The following MTUS2 variants were observed in gnomAD, a reference collection of about 807,000 sequenced individuals.
The protein encoded by MTUS2 is microtubule associated scaffold protein 2, also known as microtubule-associated tumor suppressor candidate 2.
MTUS2 carries 40 observed loss-of-function variants against 114.1 expected under a neutral mutation model. That is an observed-to-expected ratio of 0.35 (90% CI 0.27 to 0.46). The LOEUF is 0.46. Ranked by LOEUF, MTUS2 falls within the 20% of genes least tolerant of loss-of-function variation. MTUS2 has a pLI of 1.00. For synonymous variants in MTUS2, 688 were observed against 672.0 expected (o/e 1.02, Z -0.37); for missense variants, 1,679 against 1,705.4 (o/e 0.98, Z 0.27).
intron 5 of MTUS2, among the ~76,000 whole-genome samples, chr13:29,184,474 C>T (rs191358178): frequency 1.0e-3 from 155 of 152,190 alleles, no homozygotes; most frequent in African/African-American, 2.8e-3. Flanking sequence ...TGAAAAAGCC[C>T]CAAGCTCTCA....
chr13:28,978,696 G>A (rs1241338634), intron 2 of MTUS2, among the ~76,000 whole-genome samples: 1 of 152,226 alleles, frequency 6.6e-6, no homozygotes, highest in Admixed American at 6.5e-5. Context: ...GTCCTGTAGA[G>A]TGTAATTCCT....
chr13:28,965,114 C>T (rs78894115), intron 2 of MTUS2, among the ~76,000 whole-genome samples: 169 of 152,256 alleles, frequency 1.1e-3, no homozygotes, highest in African/African-American at 3.9e-3. Context: ...GAAGTTCACA[C>T]GGATGGTTGT....
chr13:29,280,498 A>G lies in MTUS2; in HGVS notation c.2645-1206A>G, dbSNP rs532582992. Among the ~76,000 whole-genome samples, 4 of 152,352 alleles carry G rather than the reference A, an allele frequency of 2.6e-5. No homozygotes were observed. The East Asian group carries it at 7.7e-4, about 29-fold the overall frequency. ...GGTGTTAAGAGAAAGAAAAAGAATA[A>G]TCTCTTACTCTAAATGGTTGAATAA... On this transcript the variant is annotated intron_variant, in intron 5 of 15. Coordinates refer to ENST00000612955, the MANE Select transcript of MTUS2 (RefSeq NM_001033602.4).
At chr13:29,459,621 G>T (rs1021050073) in intron 9 of MTUS2, among the ~76,000 whole-genome samples, 5 of 152,264 alleles carry the variant, frequency 3.3e-5, no homozygotes, top group South Asian at 2.1e-4. Flanking sequence ...AACACCAGTT[G>T]TCTAGCTGGA....
chr13:29,358,912 GATTA>G (rs1869984899), intron 7 of MTUS2, among the ~76,000 whole-genome samples: 1 of 137,834 alleles, frequency 7.3e-6, no homozygotes, highest in African/African-American at 2.6e-5. Context: ...TGGATTGATT[GATTA>G]ATTTCCCATT....
intron 5 of MTUS2, among the ~76,000 whole-genome samples, chr13:29,143,282 A>G (rs1014003451): frequency 5.3e-5 from 8 of 152,218 alleles, no homozygotes; most frequent in African/African-American, 1.9e-4. Context: ...AATGGAAAAA[A>G]CACAGATAAA....
intron 2 of MTUS2, among the ~76,000 whole-genome samples, chr13:28,859,618 T>C (rs902367291): frequency 5.1e-4 from 78 of 152,124 alleles, no homozygotes; most frequent in Admixed American, 5.1e-3. Flanking sequence ...GTATCCATTA[T>C]TAGACTTAAG....
At chr13:28,938,624 G>GT (rs1441145311) in intron 2 of MTUS2, among the ~76,000 whole-genome samples, 4 of 152,070 alleles carry the variant, frequency 2.6e-5, no homozygotes, top group Admixed American at 1.3e-4. Flanking sequence ...TGGTACCCAA[G>GT]TATGAGATGC....
chr13:29,033,805 A>G (rs1029808761), intron 3 of MTUS2, 80 bp from the exon 4 acceptor site: 1 of 1,549,924 alleles, frequency 6.5e-7, no homozygotes, highest in African/African-American at 1.4e-5. Flanking sequence ...TCATTGGTTC[A>G]GCCTCGGTCT....
intron 2 of MTUS2, among the ~76,000 whole-genome samples, chr13:29,010,253 A>T (rs1413060976): frequency 6.6e-6 from 1 of 151,630 alleles, no homozygotes; most frequent in Non-Finnish European, 1.5e-5. Flanking sequence ...TGACACACAC[A>T]TGCACACTTA....
chr13:29,389,308 T>C (rs1417004377), intron 8 of MTUS2, among the ~76,000 whole-genome samples: 1 of 147,480 alleles, frequency 6.8e-6, no homozygotes, highest in East Asian at 2.0e-4. Flanking sequence ...TATATGTGTA[T>C]ATATGTATAC....
intron 2 of MTUS2, among the ~76,000 whole-genome samples, chr13:28,878,314 CAT>C (rs1878081553): frequency 6.6e-6 from 1 of 151,734 alleles, no homozygotes. Context: ...CATACACACA[CAT>C]ATACATTTTT....
At chr13:29,309,268 A>T (rs1433051844) in intron 6 of MTUS2, among the ~76,000 whole-genome samples, 1 of 152,216 alleles carries the variant, frequency 6.6e-6, no homozygotes, top group Non-Finnish European at 1.5e-5. Context: ...GAATGAGATC[A>T]TGTCCTTTGC....
At chr13:29,314,857 T>C (rs1899920897) in intron 6 of MTUS2, among the ~76,000 whole-genome samples, 2 of 152,204 alleles carry the variant, frequency 1.3e-5, no homozygotes, top group Non-Finnish European at 2.9e-5. Flanking sequence ...CAGAACATTG[T>C]AGAGGTATCT....
At chr13:29,325,120 A>C (rs1900424945) in intron 7 of MTUS2, among the ~76,000 whole-genome samples, 1 of 152,236 alleles carries the variant, frequency 6.6e-6, no homozygotes. Context: ...TCAGATATGA[A>C]TAAACTACAT....
chr13:29,484,956 C>T (rs1394978450), intron 10 of MTUS2: 1 of 152,256 alleles, frequency 6.6e-6, no homozygotes, highest in Non-Finnish European at 1.5e-5. Context: ...GGAGTCGTGT[C>T]ACAGGGAACA....
intron 3 of MTUS2, among the ~76,000 whole-genome samples, chr13:29,028,838 G>A (rs894567917): frequency 5.3e-5 from 8 of 152,170 alleles, no homozygotes; most frequent in Non-Finnish European, 1.0e-4. Flanking sequence ...CTCAAAAAAT[G>A]TTGAGTGATA....
intron 4 of MTUS2, among the ~76,000 whole-genome samples, chr13:29,037,676 A>G (rs796683058): frequency 5.3e-5 from 8 of 152,216 alleles, no homozygotes; most frequent in African/African-American, 1.2e-4. Context: ...GTCTTTTCAC[A>G]TGGTCCCATA....
intron 13 of MTUS2, 89 bp downstream of exon 13, chr13:29,497,425 A>G (rs1882624708): frequency 8.6e-7 from 1 of 1,158,450 alleles, no homozygotes; most frequent in African/African-American, 1.5e-5. Context: ...TCCCAAGACA[A>G]GGCCTCTCTG....
Sources: allele counts gnomAD v4.1 joint callset (sites outside exome capture counted in the v4.1 genomes callset), GRCh38; gene constraint gnomAD v4.1.1; transcripts MANE v1.5; gene names NCBI Gene and HGNC (gene_info 2026-07-23, HGNC 2026-07-21).